IL1RAPL1: variants seen among roughly 807,000 people sequenced by gnomAD.
The protein encoded by IL1RAPL1 is interleukin 1 receptor accessory protein like 1.
In IL1RAPL1, 3 loss-of-function variants were observed where a neutral mutation model predicts 48.4. That is an observed-to-expected ratio of 0.06 (90% CI 0.03 to 0.16). The LOEUF (loss-of-function observed/expected upper bound fraction) is 0.16. IL1RAPL1 is among the 10% of genes least tolerant of loss of function. The probability of loss-of-function intolerance (pLI) is 1.00; values close to 1 mark genes in which losing one functional copy is unlikely to be tolerated. For missense variants in IL1RAPL1, 349 were observed against 530.6 expected, an observed-to-expected ratio of 0.66 and a Z score of 3.36; for synonymous variants, 185 against 187.7, an observed-to-expected ratio of 0.99 and a Z score of 0.12.
chrX:28,839,972 T>G (rs1197609956), intron 2 of IL1RAPL1, among the ~76,000 whole-genome samples: 1 of 110,660 alleles, frequency 9.0e-6, no homozygotes, highest in African/African-American at 3.3e-5. Flanking sequence ...AGCATAAGTA[T>G]TTTGCTTTGA....
intron 1 of IL1RAPL1, among the ~76,000 whole-genome samples, chrX:28,672,058 T>C (rs779034306): frequency 1.2e-4 from 13 of 112,401 alleles, no homozygotes; most frequent in Non-Finnish European, 2.3e-4. Context: ...GGCTTAAATA[T>C]CAACATTTGT....
chrX:29,040,746 A>C (rs757260587), intron 2 of IL1RAPL1, among the ~76,000 whole-genome samples: 154 of 112,315 alleles, frequency 1.4e-3, no homozygotes, highest in African/African-American at 4.9e-3. Context: ...TGTGAAGACC[A>C]GGAAGTGGGT....
intron 2 of IL1RAPL1, among the ~76,000 whole-genome samples, chrX:28,908,447 C>G (rs979578193): frequency 9.0e-6 from 1 of 111,492 alleles, no homozygotes; most frequent in Non-Finnish European, 1.9e-5. Flanking sequence ...TTCTCCTTGA[C>G]TCGTGATTTA....
chrX:29,449,778 C>CAGAGAG (rs767669396), intron 5 of IL1RAPL1, among the ~76,000 whole-genome samples: 2,834 of 57,420 alleles, frequency 0.049, 46 homozygotes, highest in African/African-American at 0.083. Flanking sequence ...CACACACACA[C>CAGAGAG]ACAGAGAGAG....
chrX:29,111,401 G>A (rs1389756528), intron 2 of IL1RAPL1, among the ~76,000 whole-genome samples: 2 of 112,228 alleles, frequency 1.8e-5, no homozygotes, highest in African/African-American at 6.5e-5. Flanking sequence ...TCTCCGAGGT[G>A]CCTCCACACT....
intron 5 of IL1RAPL1, among the ~76,000 whole-genome samples, chrX:29,553,205 A>G (rs1246968089): frequency 1.8e-5 from 2 of 111,736 alleles, no homozygotes; most frequent in Admixed American, 9.5e-5. Context: ...CTTGGGTCAT[A>G]GGAGCTGAAT....
At chrX:29,537,064 T>G (rs1460256559) in intron 5 of IL1RAPL1, among the ~76,000 whole-genome samples, 2 of 111,170 alleles carry the variant, frequency 1.8e-5, no homozygotes, top group Non-Finnish European at 3.8e-5. Context: ...AACTGTGTTA[T>G]TACTTTCCAT....
chrX:29,219,549 G>A (rs1441915295), intron 2 of IL1RAPL1, among the ~76,000 whole-genome samples: 1 of 111,257 alleles, frequency 9.0e-6, no homozygotes, highest in Admixed American at 9.6e-5. Context: ...AGTAGAGAGG[G>A]GAGAGGTCTC....
chrX:28,667,847 C>A (rs1341833311), intron 1 of IL1RAPL1, among the ~76,000 whole-genome samples: 2 of 111,471 alleles, frequency 1.8e-5, no homozygotes, highest in Non-Finnish European at 3.8e-5. Context: ...TCTCTGGGGT[C>A]TCTTTTGTAA....
chrX:28,698,974 G>A (rs184104186), intron 1 of IL1RAPL1, among the ~76,000 whole-genome samples: 142 of 111,584 alleles, frequency 1.3e-3, no homozygotes, highest in Middle Eastern at 4.6e-3. Context: ...TCTTTTATTC[G>A]GTGAGTTTAC....
chrX:28,794,330 G>A (rs1225199814), intron 2 of IL1RAPL1, among the ~76,000 whole-genome samples: 2 of 111,264 alleles, frequency 1.8e-5, no homozygotes, highest in Non-Finnish European at 3.8e-5. Context: ...GTTTAGTGCC[G>A]CTTTAAAGAA....
At chrX:28,864,484 G>A (rs955686286) in intron 2 of IL1RAPL1, among the ~76,000 whole-genome samples, 4 of 111,800 alleles carry the variant, frequency 3.6e-5, no homozygotes, top group Non-Finnish European at 7.5e-5. Context: ...AAACCAGAGA[G>A]ACTAAGGGAA....
intron 5 of IL1RAPL1, among the ~76,000 whole-genome samples, chrX:29,660,379 G>A (rs929258355): frequency 8.9e-6 from 1 of 112,127 alleles, no homozygotes; most frequent in Non-Finnish European, 1.9e-5. Context: ...TTGGTTGCCT[G>A]TGCTTTTGAG....
At chrX:28,590,309 T>C (rs1441636054) in intron 1 of IL1RAPL1, among the ~76,000 whole-genome samples, 1 of 111,828 alleles carries the variant, frequency 8.9e-6, no homozygotes, top group African/African-American at 3.2e-5. Flanking sequence ...TAAACGACTT[T>C]TCTGTCAGGG....
At chrX:29,882,888 T>C (rs907804721) in intron 6 of IL1RAPL1, among the ~76,000 whole-genome samples, 2 of 111,993 alleles carry the variant, frequency 1.8e-5, no homozygotes, top group Admixed American at 9.5e-5. Flanking sequence ...TAAAGGAAAC[T>C]ACCATGGTTT....
intron 6 of IL1RAPL1, among the ~76,000 whole-genome samples, chrX:29,703,435 C>T (rs527280639): frequency 7.2e-5 from 8 of 110,825 alleles, no homozygotes; most frequent in South Asian, 3.8e-4. Flanking sequence ...CTCCGCCTCC[C>T]GGGTTCACAC....
chrX:28,804,621 C>T (rs1356703553), intron 2 of IL1RAPL1, among the ~76,000 whole-genome samples: 1 of 111,335 alleles, frequency 9.0e-6, no homozygotes, highest in Non-Finnish European at 1.9e-5. Context: ...GTAACCTTTA[C>T]TTCTACTGTC....
At chrX:29,798,580 G>A (rs1037692734) in intron 6 of IL1RAPL1, among the ~76,000 whole-genome samples, 8 of 112,111 alleles carry the variant, frequency 7.1e-5, no homozygotes, top group Middle Eastern at 4.7e-3. Flanking sequence ...TTTCATTTCA[G>A]GAGAGCTTAT....
chrX:28,715,006 A>G (rs185053255), intron 1 of IL1RAPL1, among the ~76,000 whole-genome samples: 22 of 112,283 alleles, frequency 2.0e-4, no homozygotes, highest in Admixed American at 2.8e-4. Context: ...AAAATTAACA[A>G]AGATATTCAG....
Sources: gnomAD v4.1 joint callset for allele counts (sites outside exome capture counted in the v4.1 genomes callset) on GRCh38, gnomAD v4.1.1 for gene constraint, MANE v1.5 for transcripts, NCBI Gene and HGNC (gene_info 2026-07-23, HGNC 2026-07-21) for gene names.